TCF7L1: variants seen among roughly 807,000 people sequenced by gnomAD.
TCF7L1 encodes transcription factor 7 like 1, also known as transcription factor 7-like 1.
In TCF7L1, 18 loss-of-function variants were observed where a neutral mutation model predicts 63.7. The ratio of observed to expected loss-of-function variants is 0.28; its 90% CI spans 0.20 to 0.42. The LOEUF (loss-of-function observed/expected upper bound fraction) is 0.42. TCF7L1 is among the 10% of genes least tolerant of loss of function. The pLI is 1.00. For synonymous variants in TCF7L1, 355 were observed against 340.9 expected (o/e 1.04, Z -0.46); for missense variants, 654 against 779.3 (o/e 0.84, Z 1.91).
chr2:85,176,851 G>C (rs1297829023), intron 3 of TCF7L1, among the ~76,000 whole-genome samples: 1 of 152,026 alleles, frequency 6.6e-6, no homozygotes, highest in African/African-American at 2.4e-5. Flanking sequence ...GCCTGGTGTG[G>C]TGGCAGGCAC....
Position 85,246,723 on chromosome 2 carries a change from A to C in TCF7L1, c.442-36772A>C, listed in dbSNP as rs116441254. ...ATAACAGATGAGCCAAGTGCTCAGC[A>C]GAATTGCAATCCTAAGGACTCTCAA... On this transcript the variant is annotated intron_variant, in intron 3 of 11. Coordinates refer to ENST00000282111, the MANE Select transcript of TCF7L1 (RefSeq NM_031283.3). Among the ~76,000 whole-genome samples, 857 of 152,338 alleles carry C rather than the reference A, an allele frequency of 5.6e-3. 12 individuals are homozygous for C. Among genetic ancestry groups the C allele is most frequent in the African/African-American group, 0.02 (821 of 41,568 alleles).
At chr2:85,229,530 A>C (rs1204920232) in intron 3 of TCF7L1, among the ~76,000 whole-genome samples, 1 of 152,218 alleles carries the variant, frequency 6.6e-6, no homozygotes, top group Non-Finnish European at 1.5e-5. Context: ...GGCACACCAG[A>C]CTGAGTTACA....
intron 3 of TCF7L1, among the ~76,000 whole-genome samples, chr2:85,157,651 G>A (rs1394237286): frequency 6.6e-6 from 1 of 152,260 alleles, no homozygotes; most frequent in Middle Eastern, 3.2e-3. Context: ...TGAAACTCCA[G>A]TTTGGAAATG....
chr2:85,159,612 G>A (rs944711466), intron 3 of TCF7L1, among the ~76,000 whole-genome samples: 1 of 152,252 alleles, frequency 6.6e-6, no homozygotes, highest in African/African-American at 2.4e-5. Context: ...TCCTTTGCTT[G>A]TGGTACTGGC....
At chr2:85,271,248 G>T (rs961663545) in intron 3 of TCF7L1, among the ~76,000 whole-genome samples, 5 of 152,156 alleles carry the variant, frequency 3.3e-5, no homozygotes, top group African/African-American at 1.2e-4. Flanking sequence ...AAGTAGCTAG[G>T]ATTACAGGCA....
chr2:85,256,888 C>G (rs1280550994), intron 3 of TCF7L1, among the ~76,000 whole-genome samples: 1 of 151,898 alleles, frequency 6.6e-6, no homozygotes, highest in Non-Finnish European at 1.5e-5. Flanking sequence ...GAAGCTGAGG[C>G]AGGAGAATCA....
intron 3 of TCF7L1, among the ~76,000 whole-genome samples, chr2:85,194,758 A>G (rs1679115585): frequency 6.6e-6 from 1 of 152,182 alleles, no homozygotes; most frequent in Admixed American, 6.5e-5. Flanking sequence ...ATCAGGAGGA[A>G]ACCCCTGGCA....
At chr2:85,176,963 G>A (rs1427621988) in intron 3 of TCF7L1, among the ~76,000 whole-genome samples, 1 of 148,674 alleles carries the variant, frequency 6.7e-6, no homozygotes, top group Non-Finnish European at 1.5e-5. Flanking sequence ...CTCCAGCCTG[G>A]GTGACAGAGC....
At position 85,305,288 on chromosome 2, in the gene TCF7L1, A is replaced by C. The variant is rs199958101; in HGVS notation, c.874A>C (p.Met292Leu). The C allele has an allele frequency of 6.2e-7, 1 of 1,613,882 alleles. No homozygotes were observed. The highest frequency in any genetic ancestry group is 1.7e-5 in the Admixed American group (1 of 60,012). Residue 292 changes from methionine to leucine, a missense_variant, in exon 8 of 12, where the codon ATG (methionine) becomes CTG (leucine). Coordinates refer to ENST00000282111, the MANE Select transcript of TCF7L1 (RefSeq NM_031283.3). The part of the protein sequence containing the change: ...SLVSSRFSPH[M>L]VAPAHPGLPT... ...GGTCTCCAGTCGGTTCTCTCCTCAC[A>C]TGGTGGCTCCTGCCCACCCTGGCCT...
intron 3 of TCF7L1, among the ~76,000 whole-genome samples, chr2:85,233,362 C>A (rs1275513419): frequency 6.8e-6 from 1 of 146,560 alleles, no homozygotes; most frequent in African/African-American, 2.5e-5. Context: ...TGTTGCCAGG[C>A]TGGAATGCAA....
intron 11 of TCF7L1, 137 bp downstream of exon 11, chr2:85,307,854 G>C (rs988677775): frequency 1.3e-5 from 9 of 708,070 alleles, no homozygotes; most frequent in Admixed American, 2.6e-5. Flanking sequence ...CCCCTTTCTC[G>C]AGGTGGCCAC....
Position 85,306,187 on chromosome 2 carries a change from C to T in TCF7L1, c.990-19C>T. 6.2e-7 allele frequency: 1 copy of T among 1,613,930 alleles called. No individual in the cohort carries two copies. Among genetic ancestry groups the T allele is most frequent in the Non-Finnish European group, 8.5e-7 (1 of 1,179,894 alleles). The stretch of plus-strand genomic sequence containing the variant: ...GTGTGACACCTGACATGCTAACCTA[C>T]AACCACGTGCCTTCCCAGGAAATCA... On this transcript the variant is annotated intron_variant, in intron 8 of 11. Coordinates refer to ENST00000282111, the MANE Select transcript of TCF7L1 (RefSeq NM_031283.3). The surrounding 1 kb of genome is among the most constrained non-coding windows in gnomAD (Gnocchi z 4.3).
At chr2:85,238,883 A>C (rs1249342678) in intron 3 of TCF7L1, among the ~76,000 whole-genome samples, 1 of 151,136 alleles carries the variant, frequency 6.6e-6, no homozygotes, top group Non-Finnish European at 1.5e-5. Flanking sequence ...GTCGTGGCGC[A>C]ATTTCCACTC....
At chr2:85,250,716 G>T (rs145805984) in intron 3 of TCF7L1, among the ~76,000 whole-genome samples, 3,945 of 152,240 alleles carry the variant, frequency 0.026, 71 homozygotes, top group Non-Finnish European at 0.038. Flanking sequence ...GATTACAGGC[G>T]TGATCCACCA....
chr2:85,159,208 G>A (rs545320806), intron 3 of TCF7L1, among the ~76,000 whole-genome samples: 29 of 152,176 alleles, frequency 1.9e-4, no homozygotes, highest in African/African-American at 6.7e-4. Flanking sequence ...CAGTGTCTGC[G>A]GCTTCTTCCC....
At position 85,133,632 on chromosome 2, in the gene TCF7L1, G is replaced by A; in HGVS notation, c.-53G>A. The A allele has an allele frequency of 2.7e-6, 2 of 746,146 alleles. No individual in the cohort carries two copies. Among genetic ancestry groups the A allele is most frequent in the Non-Finnish European group, 1.6e-6 (1 of 613,398 alleles). The allele number at this position is 746,146 out of a possible 1,614,324, so 46.2% of individuals were successfully genotyped here. On this transcript the variant is annotated 5_prime_UTR_variant, in exon 1 of 12. Transcript: ENST00000282111. The surrounding 1 kb of genome is among the most constrained non-coding windows in gnomAD (Gnocchi z 4.4). ...AGGGGCGCCGGGCCGGGCCGGGCAG[G>A]GCGCGGGCGGCTAGGGGCTCCGAGA... is the stretch of plus-strand genomic sequence containing the variant.
rs1680602715 is a variant in TCF7L1 at position 85,252,045 on chromosome 2, A to AGGTAGT, written c.442-31449_442-31448insGTAGTG. Among the ~76,000 whole-genome samples, 3 of 152,330 alleles carry AGGTAGT rather than the reference A, an allele frequency of 2.0e-5. No individual in the cohort carries two copies. In the South Asian group the frequency reaches 6.2e-4, roughly 32 times the overall value. On this transcript the variant is annotated intron_variant, in intron 3 of 11. Transcript: ENST00000282111. Reference sequence around the variant, plus strand: ...AGCTGTGATTGCGCCACTGCACTCCAGCCTGGGTAACAGAGTAAGATCCTC... The same window carrying AGGTAGT: ...AGCTGTGATTGCGCCACTGCACTCCAGGTAGTGCCTGGGTAACAGAGTAAGATCCTC...
chr2:85,211,384 A>T (rs1679536936), intron 3 of TCF7L1, among the ~76,000 whole-genome samples: 1 of 152,188 alleles, frequency 6.6e-6, no homozygotes, highest in Non-Finnish European at 1.5e-5. Flanking sequence ...TCACTGGTTT[A>T]AAAAGAAAGA....
chr2:85,256,580 C>T (rs755994818), intron 3 of TCF7L1, among the ~76,000 whole-genome samples: 6 of 152,142 alleles, frequency 3.9e-5, no homozygotes, highest in Non-Finnish European at 8.8e-5. Flanking sequence ...TGGGAGGGGT[C>T]GGCTCACAGC....
Sources: gnomAD v4.1 joint callset for allele counts (sites outside exome capture counted in the v4.1 genomes callset) on GRCh38, gnomAD v4.1.1 for gene constraint, Gnocchi (gnomAD v3.1) non-coding constraint, MANE v1.5 for transcripts, NCBI Gene and HGNC (gene_info 2026-07-23, HGNC 2026-07-21) for gene names.